KITLG: variants seen among roughly 807,000 people sequenced by gnomAD.
The protein encoded by KITLG is c-Kit ligand.
KITLG carries 13 observed loss-of-function variants against 34.1 expected under a neutral mutation model. That is an observed-to-expected ratio of 0.38 (90% CI 0.25 to 0.61). The LOEUF is 0.61. Ranked by LOEUF, KITLG falls within the 20% of genes least tolerant of loss-of-function variation. The pLI is 0.60. For synonymous variants in KITLG, 110 were observed against 104.0 expected (o/e 1.06, Z -0.35); for missense variants, 292 against 318.9 (o/e 0.92, Z 0.64).
chr12:88,501,099 C>G (rs1301428573), intron 9 of KITLG, among the ~76,000 whole-genome samples: 2 of 152,116 alleles, frequency 1.3e-5, no homozygotes, highest in African/African-American at 4.8e-5. Context: ...CTAGGTGCAA[C>G]TTTTTTTGTT....
intron 6 of KITLG, among the ~76,000 whole-genome samples, chr12:88,507,580 AC>A (rs1414030702): frequency 3.3e-5 from 5 of 152,156 alleles, no homozygotes; most frequent in Non-Finnish European, 7.3e-5. Flanking sequence ...CTATGTTTGG[AC>A]TGTTGAAAAT....
intron 1 of KITLG, among the ~76,000 whole-genome samples, chr12:88,561,570 CA>C (rs1871299977): frequency 6.6e-6 from 1 of 152,168 alleles, no homozygotes; most frequent in Non-Finnish European, 1.5e-5. Context: ...TTATTACTCA[CA>C]ATAGTATCTT....
intron 1 of KITLG, among the ~76,000 whole-genome samples, chr12:88,551,392 T>A (rs1034023165): frequency 2.0e-5 from 3 of 152,182 alleles, no homozygotes; most frequent in Non-Finnish European, 4.4e-5. Context: ...ACAGAAGTCT[T>A]TCTAATATTG....
chr12:88,539,724 C>T (rs1022671857), intron 2 of KITLG, among the ~76,000 whole-genome samples: 1 of 151,950 alleles, frequency 6.6e-6, no homozygotes, highest in Non-Finnish European at 1.5e-5. Flanking sequence ...GAGTTTGAGA[C>T]CAGACTTGGC....
At chr12:88,516,898 T>C (rs1869481120) in intron 4 of KITLG, among the ~76,000 whole-genome samples, 1 of 150,154 alleles carries the variant, frequency 6.7e-6, no homozygotes, top group Admixed American at 6.6e-5. Context: ...AATTAGAAAG[T>C]CAGATGATAC....
At chr12:88,570,084 C>A (rs1402589136) in intron 1 of KITLG, among the ~76,000 whole-genome samples, 5 of 152,140 alleles carry the variant, frequency 3.3e-5, no homozygotes, top group African/African-American at 1.2e-4. Flanking sequence ...AAAGTACTTT[C>A]TGAAGTATCT....
chr12:88,504,804 T>C, intron 9 of KITLG, among the ~76,000 whole-genome samples: 1 of 152,146 alleles, frequency 6.6e-6, no homozygotes, highest in East Asian at 1.9e-4. Flanking sequence ...ATCATGCTGC[T>C]CTAAAGACAC....
intron 1 of KITLG, among the ~76,000 whole-genome samples, chr12:88,579,621 C>A (rs939872375): frequency 6.6e-5 from 10 of 152,166 alleles, no homozygotes; most frequent in African/African-American, 2.2e-4. Context: ...GAAAAAGGTG[C>A]GTGCATTGTG....
intron 2 of KITLG, among the ~76,000 whole-genome samples, chr12:88,541,081 C>A (rs894892206): frequency 2.2e-4 from 34 of 152,018 alleles, no homozygotes; most frequent in African/African-American, 8.2e-4. Flanking sequence ...TACTTGAGAA[C>A]AATAATATTT....
Position 88,545,984 on chromosome 12 carries a change from A to T in KITLG, c.16-119T>A, listed in dbSNP as rs79578336. The T allele has an allele frequency of 0.01, 7,822 of 746,644 alleles. 68 individuals carry two copies. Among genetic ancestry groups the T allele is most frequent in the Middle Eastern group, 0.022 (96 of 4,372 alleles). 46.3% of individuals were successfully genotyped at this position (746,644 alleles called of 1,614,324 possible). ...CCAGTCTAATATATGTTATTGGCTT[A>T]AATGCAATTAAATATTACGCATTCA... On this transcript the variant is annotated intron_variant, in intron 1 of 9. Coordinates refer to ENST00000644744, the MANE Select transcript of KITLG (RefSeq NM_000899.5).
intron 3 of KITLG, among the ~76,000 whole-genome samples, chr12:88,524,153 C>A (rs1286110698): frequency 6.6e-6 from 1 of 152,162 alleles, no homozygotes; most frequent in Non-Finnish European, 1.5e-5. Context: ...AAAATAAATT[C>A]TAATCGATGC....
At chr12:88,522,720 G>A (rs1332909269) in intron 3 of KITLG, among the ~76,000 whole-genome samples, 1 of 151,988 alleles carries the variant, frequency 6.6e-6, no homozygotes, top group South Asian at 2.1e-4. Flanking sequence ...GAGCCACCGC[G>A]CCCACCCCAC....
chr12:88,558,079 T>C (rs985596887), intron 1 of KITLG, among the ~76,000 whole-genome samples: 3 of 152,228 alleles, frequency 2.0e-5, no homozygotes, highest in African/African-American at 7.2e-5. Flanking sequence ...GAAATGAGCA[T>C]AGGCTTCAGT....
intron 3 of KITLG, among the ~76,000 whole-genome samples, chr12:88,531,142 C>A (rs1870069222): frequency 6.6e-6 from 1 of 152,160 alleles, no homozygotes; most frequent in African/African-American, 2.4e-5. Context: ...AGTATAGAAG[C>A]TTAACATAAA....
intron 1 of KITLG, among the ~76,000 whole-genome samples, chr12:88,565,634 G>C (rs566623572): frequency 1.3e-4 from 19 of 151,862 alleles, no homozygotes; most frequent in African/African-American, 3.9e-4. Flanking sequence ...AACAAACAAA[G>C]AAACAAACAA....
intron 4 of KITLG, among the ~76,000 whole-genome samples, chr12:88,517,683 T>C (rs955003619): frequency 1.3e-5 from 2 of 152,154 alleles, no homozygotes; most frequent in Non-Finnish European, 2.9e-5. Flanking sequence ...AGTAGTAATA[T>C]GAAAGAGTGG....
chr12:88,555,978 G>A (rs904558827), intron 1 of KITLG, among the ~76,000 whole-genome samples: 1 of 152,056 alleles, frequency 6.6e-6, no homozygotes, highest in Admixed American at 6.5e-5. Context: ...CCCAAGTACA[G>A]CTAAACCTGA....
chr12:88,547,018 A>T (rs939464157), intron 1 of KITLG, among the ~76,000 whole-genome samples: 1 of 152,230 alleles, frequency 6.6e-6, no homozygotes, highest in Non-Finnish European at 1.5e-5. Flanking sequence ...GCAAGGGCTG[A>T]CAAAGAAAAG....
intron 1 of KITLG, among the ~76,000 whole-genome samples, chr12:88,553,772 T>C (rs1871004889): frequency 6.6e-6 from 1 of 152,216 alleles, no homozygotes; most frequent in African/African-American, 2.4e-5. Flanking sequence ...AACCAAGGCA[T>C]GCAGTAGAAA....
Sources: allele counts gnomAD v4.1 joint callset (sites outside exome capture counted in the v4.1 genomes callset), GRCh38; gene constraint gnomAD v4.1.1; transcripts MANE v1.5; gene names NCBI Gene and HGNC (gene_info 2026-07-23, HGNC 2026-07-21).